ZNF827: variants seen among roughly 807,000 people sequenced by gnomAD.
ZNF827 encodes the protein zinc finger protein 827.
ZNF827 carries 13 observed loss-of-function variants against 102.4 expected under a neutral mutation model. That is an observed-to-expected ratio of 0.13 (90% CI 0.08 to 0.20). The LOEUF is 0.20. Among genes scored for constraint, ZNF827 ranks in the 10% least tolerant of loss-of-function variants. The pLI, the probability that ZNF827 is intolerant of heterozygous loss-of-function variation, is 1.00. For synonymous variants in ZNF827, 523 were observed against 536.2 expected, an observed-to-expected ratio of 0.98 and a Z score of 0.34; for missense variants, 1,103 against 1,344.4, an observed-to-expected ratio of 0.82 and a Z score of 2.81.
chr4:145,905,025 G>C (rs1751729884), intron 1 of ZNF827, among the ~76,000 whole-genome samples: 1 of 152,156 alleles, frequency 6.6e-6, no homozygotes, highest in South Asian at 2.1e-4. Context: ...ACTCAATTAG[G>C]TGCATATTTT....
intron 1 of ZNF827, among the ~76,000 whole-genome samples, chr4:145,925,867 T>C (rs892160610): frequency 6.6e-5 from 10 of 152,256 alleles, no homozygotes; most frequent in Admixed American, 5.9e-4. Context: ...CAACGGGTGG[T>C]TGAACCAGCT....
At chr4:145,803,806 A>C (rs773750877) in intron 8 of ZNF827, among the ~76,000 whole-genome samples, 1 of 152,250 alleles carries the variant, frequency 6.6e-6, no homozygotes, top group Non-Finnish European at 1.5e-5. Context: ...CAATCAAATG[A>C]AAATGACTTA....
chr4:145,837,595 G>C (rs1199159597), intron 7 of ZNF827, among the ~76,000 whole-genome samples: 27 of 151,964 alleles, frequency 1.8e-4, no homozygotes, highest in Non-Finnish European at 2.2e-4. Flanking sequence ...TTTTTCCAAG[G>C]CATCACAGCT....
chr4:145,763,507 T>C lies in ZNF827; in HGVS notation c.3231-385A>G, dbSNP rs1009763002. On this transcript the variant is annotated intron_variant, in intron 13 of 14. Coordinates refer to ENST00000508784, the MANE Select transcript of ZNF827 (RefSeq NM_001306215.2). This position sits in a 1 kb window ranked among gnomAD's most constrained non-coding sequence, Gnocchi z 4.6. ...GACGGTTAGCACCGCACGGGAAGTG[T>C]CTGTACCAGCAAAAGCATCAGAATT... Among the ~76,000 whole-genome samples the C allele has an allele frequency of 1.3e-5, 2 of 152,196 alleles. No individual in the cohort carries two copies. Among genetic ancestry groups the C allele is most frequent in the African/African-American group, 4.8e-5 (2 of 41,450 alleles).
intron 5 of ZNF827, among the ~76,000 whole-genome samples, chr4:145,866,907 G>C (rs1215210388): frequency 6.6e-6 from 1 of 152,192 alleles, no homozygotes; most frequent in African/African-American, 2.4e-5. Context: ...TCATATCCAT[G>C]ATAACACAGC....
chr4:145,930,620 A>G (rs1753728630), intron 1 of ZNF827, among the ~76,000 whole-genome samples: 1 of 152,238 alleles, frequency 6.6e-6, no homozygotes, highest in African/African-American at 2.4e-5. Context: ...AACTCCAGAG[A>G]CAGAACTTCA....
At chr4:145,873,014 C>G (rs1748841819) in intron 4 of ZNF827, among the ~76,000 whole-genome samples, 1 of 146,870 alleles carries the variant, frequency 6.8e-6, no homozygotes, top group African/African-American at 2.5e-5. Flanking sequence ...CGGCTCACCA[C>G]AACCTCTGCC....
At chr4:145,797,416 C>T (rs1047807129) in intron 8 of ZNF827, among the ~76,000 whole-genome samples, 2 of 152,142 alleles carry the variant, frequency 1.3e-5, no homozygotes, top group Non-Finnish European at 2.9e-5. Flanking sequence ...TAATAACAGC[C>T]AGAGGATTAA....
intron 1 of ZNF827, among the ~76,000 whole-genome samples, chr4:145,937,125 C>G (rs1167140689): frequency 1.3e-5 from 2 of 151,924 alleles, no homozygotes; most frequent in Non-Finnish European, 2.9e-5. Flanking sequence ...ACACTCAAAG[C>G]GGAGAAAGAC....
chr4:145,884,294 G>A (rs1281169613), intron 4 of ZNF827, among the ~76,000 whole-genome samples: 2 of 152,126 alleles, frequency 1.3e-5, no homozygotes, highest in Non-Finnish European at 2.9e-5. Flanking sequence ...CTGTGGTAAG[G>A]GGGACATTCC....
rs538524976 is a variant in ZNF827, at chr4:145,798,452, G to A, written c.2384-18941C>T. Among the ~76,000 whole-genome samples, 21 of 152,298 alleles carry A rather than the reference G, an allele frequency of 1.4e-4. No homozygotes were observed. The South Asian group carries it at 4.4e-3, about 32-fold the overall frequency. On this transcript the variant is annotated intron_variant, in intron 8 of 14. Transcript: ENST00000508784. ...AGGCTGAGGTGGGCAGATCGCCTGA[G>A]ATCAGGAGTTCAAGACCAGCCTGGC...
intron 8 of ZNF827, among the ~76,000 whole-genome samples, chr4:145,796,402 G>T (rs12508607): frequency 0.74 from 113,132 of 152,000 alleles, 42,838 homozygotes; most frequent in Non-Finnish European, 0.81. Flanking sequence ...GCGGAGCAAG[G>T]AGCAGTGAAT....
chr4:145,926,492 G>A (rs1753434937), intron 1 of ZNF827, among the ~76,000 whole-genome samples: 1 of 152,186 alleles, frequency 6.6e-6, no homozygotes, highest in Non-Finnish European at 1.5e-5. Context: ...TTGTAAGAGT[G>A]ATGTTGCCAC....
chr4:145,880,052 C>T (rs1209351443), intron 4 of ZNF827, among the ~76,000 whole-genome samples: 7 of 152,196 alleles, frequency 4.6e-5, no homozygotes, highest in Non-Finnish European at 8.8e-5. Flanking sequence ...CTGGCCAATA[C>T]GGTGAAACCC....
chr4:145,801,672 C>T (rs1469615171), intron 8 of ZNF827, among the ~76,000 whole-genome samples: 4 of 152,072 alleles, frequency 2.6e-5, no homozygotes, highest in Admixed American at 6.6e-5. Context: ...ATTGTCAGGG[C>T]GTGGGAAGCC....
At chr4:145,888,436 C>T (rs761479716) in intron 3 of ZNF827, among the ~76,000 whole-genome samples, 3 of 152,202 alleles carry the variant, frequency 2.0e-5, no homozygotes, top group Non-Finnish European at 4.4e-5. Flanking sequence ...GCTCACCTAT[C>T]CTCTGGTCAT....
chr4:145,799,260 C>T (rs868056831), intron 8 of ZNF827, among the ~76,000 whole-genome samples: 1 of 152,202 alleles, frequency 6.6e-6, no homozygotes, highest in Non-Finnish European at 1.5e-5. Context: ...GCTAGTCGGG[C>T]ACAGCAATCA....
intron 7 of ZNF827, among the ~76,000 whole-genome samples, chr4:145,837,738 G>C (rs1292633368): frequency 1.3e-5 from 2 of 152,076 alleles, no homozygotes. Context: ...CCAATTCTTA[G>C]ACCTTTTATA....
intron 6 of ZNF827, among the ~76,000 whole-genome samples, chr4:145,847,044 C>G (rs1746047033): frequency 6.6e-6 from 1 of 152,016 alleles, no homozygotes; most frequent in Non-Finnish European, 1.5e-5. Context: ...GTCCCAGCTA[C>G]TTGGGAGGCT....
Sources: gnomAD v4.1 joint callset for allele counts (sites outside exome capture counted in the v4.1 genomes callset) on GRCh38, gnomAD v4.1.1 for gene constraint, Gnocchi (gnomAD v3.1) non-coding constraint, MANE v1.5 for transcripts, NCBI Gene and HGNC (gene_info 2026-07-23, HGNC 2026-07-21) for gene names.